ZNF83: variants seen among roughly 807,000 people sequenced by gnomAD.
ZNF83 encodes zinc finger protein 816B.
For missense variants in ZNF83, 552 were observed against 629.9 expected (o/e 0.88, Z 1.32); for synonymous variants, 209 against 213.0 (o/e 0.98, Z 0.17).
chr19:52,686,882 A>G (rs34580572), intron 1 of ZNF83, among the ~76,000 whole-genome samples: 13,703 of 151,988 alleles, frequency 0.09, 962 homozygotes, highest in African/African-American at 0.2. Context: ...TTTGATGTCC[A>G]TTTTAGAAAG....
intron 3 of ZNF83, chr19:52,653,281 T>G: frequency 1.4e-6 from 2 of 1,455,858 alleles, no homozygotes; most frequent in Non-Finnish European, 9.6e-7. Context: ...GTGTGCTTTT[T>G]GATTAAAAAC....
intron 2 of ZNF83, among the ~76,000 whole-genome samples, chr19:52,619,224 T>C (rs1488748337): frequency 6.6e-6 from 1 of 151,900 alleles, no homozygotes; most frequent in Non-Finnish European, 1.5e-5. Flanking sequence ...TGGTGTTTGA[T>C]TATACTTTTT....
upstream of ZNF83, among the ~76,000 whole-genome samples, chr19:52,641,333 G>A (rs1244074690): frequency 3.3e-5 from 5 of 152,136 alleles, no homozygotes; most frequent in Non-Finnish European, 7.4e-5. Flanking sequence ...CATAGCAATA[G>A]CAATACTAAG....
chr19:52,677,636 T>G (rs1258443705), intron 1 of ZNF83, among the ~76,000 whole-genome samples: 2 of 152,084 alleles, frequency 1.3e-5, no homozygotes, highest in Non-Finnish European at 2.9e-5. Context: ...CAGAATTGTG[T>G]ATACACATGA....
At chr19:52,624,495 T>A (rs1190994622) in intron 2 of ZNF83, among the ~76,000 whole-genome samples, 4 of 152,196 alleles carry the variant, frequency 2.6e-5, no homozygotes, top group African/African-American at 9.7e-5. Flanking sequence ...AACCATTGTA[T>A]CAACTCACAA....
chr19:52,634,454 T>G (rs996459743), intron 2 of ZNF83, among the ~76,000 whole-genome samples: 1 of 152,204 alleles, frequency 6.6e-6, no homozygotes, highest in Non-Finnish European at 1.5e-5. Context: ...AAGAATGGTT[T>G]AAAGAATCTC....
chr19:52,627,233 C>A (rs972666537), intron 2 of ZNF83, among the ~76,000 whole-genome samples: 1 of 152,180 alleles, frequency 6.6e-6, no homozygotes, highest in South Asian at 2.1e-4. Context: ...CAGACCCAGT[C>A]TGCCTGCACC....
At chr19:52,655,121 A>G (rs539080699) in intron 3 of ZNF83, 35 of 156,604 alleles carry the variant, frequency 2.2e-4, no homozygotes, top group African/African-American at 8.4e-4. Flanking sequence ...CAGGAGGCGG[A>G]GGTTGCAATG....
intron 1 of ZNF83, among the ~76,000 whole-genome samples, chr19:52,679,070 G>A (rs1302069126): frequency 6.6e-6 from 1 of 152,018 alleles, no homozygotes; most frequent in African/African-American, 2.4e-5. Context: ...TCTGTTACAG[G>A]GTTGATTCTA....
At chr19:52,670,013 A>G (rs951997709) in intron 1 of ZNF83, among the ~76,000 whole-genome samples, 5 of 152,230 alleles carry the variant, frequency 3.3e-5, no homozygotes, top group South Asian at 2.1e-4. Context: ...CAAAGAATCA[A>G]TAAGTCAGTA....
chr19:52,647,472 G>T (rs976528803), intron 3 of ZNF83, among the ~76,000 whole-genome samples: 1 of 151,906 alleles, frequency 6.6e-6, no homozygotes, highest in African/African-American at 2.4e-5. Context: ...AAGAGATGGG[G>T]GGTCTCACTA....
At chr19:52,679,789 G>A (rs957572078) in intron 1 of ZNF83, among the ~76,000 whole-genome samples, 2 of 152,068 alleles carry the variant, frequency 1.3e-5, no homozygotes, top group African/African-American at 4.8e-5. Context: ...TGAATTTTCT[G>A]TTTTTATGCA....
At chr19:52,681,280 C>CAAAAAAAAAAAAAAAAAAAAAAAAAAAA (rs56916405) in intron 1 of ZNF83, among the ~76,000 whole-genome samples, 4 of 75,428 alleles carry the variant, frequency 5.3e-5, no homozygotes, top group Non-Finnish European at 1.0e-4. Flanking sequence ...GAGACTTTCT[C>CAAAAAAAAAAAAAAAAAAAAAAAAAAAA]AAAAAAAAAA....
At chr19:52,653,077 G>A in intron 3 of ZNF83, 2 of 1,489,774 alleles carry the variant, frequency 1.3e-6, no homozygotes, top group South Asian at 2.3e-5. Flanking sequence ...TTTCTCTCCA[G>A]TATGAATTGC....
rs191894404 is a variant in ZNF83 at position 52,673,320 on chromosome 19, C to A, written c.-282-12477G>T. Among the ~76,000 whole-genome samples, 12 of 152,266 alleles carry A rather than the reference C, an allele frequency of 7.9e-5. No individual in the cohort carries two copies. The East Asian group carries it at 2.3e-3, about 29-fold the overall frequency. On this transcript the variant is annotated intron_variant, in intron 1 of 5. Transcript: ENST00000594682. The stretch of plus-strand genomic sequence containing the variant: ...AAGAGTTCGAGACCAGCCTGACCAA[C>A]ATGGTATAACCCTGTCTCTAAAAAA...
At position 52,633,943 on chromosome 19, in the gene ZNF83, T is replaced by C. The variant is rs182260382; in HGVS notation, c.-234+1123A>G. 5.0e-3 allele frequency among the ~76,000 whole-genome samples: 767 copies of C among 151,904 alleles called. 4 individuals are homozygous for C. Among genetic ancestry groups the C allele is most frequent in the African/African-American group, 0.016 (673 of 41,416 alleles). ...AAATAAATAACAAATATATACATCA[T>C]GTGATGTTCAAATATAAAAATATAT... On this transcript the variant is annotated intron_variant, in intron 2 of 2. Coordinates refer to ENST00000301096, the Ensembl canonical transcript of ZNF83.
chr19:52,630,468 A>G (rs1042904470), intron 2 of ZNF83, among the ~76,000 whole-genome samples: 1 of 152,054 alleles, frequency 6.6e-6, no homozygotes, highest in Non-Finnish European at 1.5e-5. Context: ...TCTGGTGCCA[A>G]CTTGGACAAC....
At chr19:52,613,654 AG>A in exon 3 of ZNF83, 1 of 1,613,894 alleles carries the variant, frequency 6.2e-7, no homozygotes, top group Non-Finnish European at 8.5e-7. Flanking sequence ...GTGATTTACT[AG>A]GGATGACTTG....
intron 2 of ZNF83, chr19:52,618,842 T>G: frequency 6.7e-7 from 1 of 1,486,262 alleles, no homozygotes; most frequent in Non-Finnish European, 9.1e-7. Context: ...GCTTCCATTT[T>G]AGTCAAGCAA....
Sources: allele counts gnomAD v4.1 joint callset (sites outside exome capture counted in the v4.1 genomes callset), GRCh38; gene constraint gnomAD v4.1.1; transcripts MANE v1.5; gene names NCBI Gene and HGNC (gene_info 2026-07-23, HGNC 2026-07-21).